The following TGFBR1 variants were observed in gnomAD, a reference collection of about 807,000 sequenced individuals.
TGFBR1 encodes the protein transforming growth factor beta receptor 1.
TGFBR1 carries 20 observed loss-of-function variants against 55.1 expected under a neutral mutation model. That is an observed-to-expected ratio of 0.36 (90% CI 0.26 to 0.53). The LOEUF (loss-of-function observed/expected upper bound fraction) is 0.53, where lower values mean the gene tolerates loss of function less well. Among genes scored for constraint, TGFBR1 ranks in the 20% least tolerant of loss-of-function variants. TGFBR1 has a pLI of 0.91. For synonymous variants in TGFBR1, 220 were observed against 214.8 expected (o/e 1.02, Z -0.21); for missense variants, 385 against 617.6 (o/e 0.62, Z 3.99).
rs565591925 is a variant in TGFBR1 at position 99,143,091 on chromosome 9, G to A, written c.973+388G>A. ...AAAACAAAAACAAAAACAGTAGGTG[G>A]CCTAACTGGAGATATTTAAAACAAA... is the stretch of plus-strand genomic sequence containing the variant. On this transcript the variant is annotated intron_variant, in intron 5 of 8. Coordinates refer to ENST00000374994, the MANE Select transcript of TGFBR1 (RefSeq NM_004612.4). Among the ~76,000 whole-genome samples the A allele has an allele frequency of 2.0e-5, 3 of 152,214 alleles. No individual in the cohort carries two copies. The East Asian group carries it at 5.8e-4, about 29-fold the overall frequency.
chr9:99,144,649 G>C (rs1249804772), intron 5 of TGFBR1, 83 bp from the exon 6 acceptor site: 2 of 1,549,466 alleles, frequency 1.3e-6, no homozygotes, highest in Non-Finnish European at 1.8e-6. Flanking sequence ...TTTGGGTTGG[G>C]AGAAGAGACT....
intron 5 of TGFBR1, 56 bp from the exon 6 acceptor site, chr9:99,144,676 T>G: frequency 1.2e-6 from 2 of 1,605,304 alleles, no homozygotes; most frequent in Non-Finnish European, 1.7e-6. Context: ...CCTAAAGATG[T>G]GAGTTGTGAT....
At chr9:99,126,507 GAATGACT>G (rs1400087720) in intron 1 of TGFBR1, among the ~76,000 whole-genome samples, 9 of 152,184 alleles carry the variant, frequency 5.9e-5, no homozygotes, top group Admixed American at 1.3e-4. Flanking sequence ...AACATGGGTT[GAATGACT>G]AATCATGAGT....
At chr9:99,105,509 T>C (rs1313780853) in intron 1 of TGFBR1, among the ~76,000 whole-genome samples, 1 of 149,634 alleles carries the variant, frequency 6.7e-6, no homozygotes, top group African/African-American at 2.4e-5. Flanking sequence ...CAGGGGCGTG[T>C]GTCCGGGCGC....
chr9:99,153,883 T>G lies in TGFBR1; in HGVS notation c.*4578T>G, dbSNP rs1590. 0.29 allele frequency: 61,769 copies of G among 212,666 alleles called. 9,573 individuals are homozygous for G. The highest frequency in any genetic ancestry group is 0.52 in the East Asian group (7,432 of 14,410). The allele number at this position is 212,666 out of a possible 1,614,324, so 13.2% of individuals were successfully genotyped here. ...CATGCTTAGGGGTGTGGGTCTTCCATTGGGGCATGATGGACCTGTCTACAG... is the reference window on the plus strand; with the variant it reads ...CATGCTTAGGGGTGTGGGTCTTCCAGTGGGGCATGATGGACCTGTCTACAG... On this transcript the variant is annotated 3_prime_UTR_variant, in exon 9 of 9. Transcript: ENST00000374994.
Position 99,150,385 on chromosome 9 carries a change from AT to A in TGFBR1, c.*1087del. The A allele has an allele frequency of 3.8e-5, 8 of 209,824 alleles. No individual in the cohort carries two copies. Among genetic ancestry groups the A allele is most frequent in the Non-Finnish European group, 7.8e-5 (8 of 102,890 alleles). 13.0% of individuals were successfully genotyped at this position (209,824 alleles called of 1,614,324 possible). Reference sequence around the variant, plus strand: ...AAAGTTATGTGGTATTCTGTAAGCCATTTTTTTCTTTATCTGTTCAAAGACT... The same window carrying A: ...AAAGTTATGTGGTATTCTGTAAGCCATTTTTTCTTTATCTGTTCAAAGACT... On this transcript the variant is annotated 3_prime_UTR_variant, in exon 9 of 9. Transcript: ENST00000374994.
chr9:99,131,815 A>G (rs1827234805), intron 2 of TGFBR1, among the ~76,000 whole-genome samples: 1 of 152,052 alleles, frequency 6.6e-6, no homozygotes, highest in African/African-American at 2.4e-5. Flanking sequence ...TTAAGATACA[A>G]AAATTAGCCA....
Position 99,128,911 on chromosome 9 carries a change from G to C in TGFBR1, c.154G>C (p.Gly52Arg), listed in dbSNP as rs587776865. The change falls in exon 2 of 9, where the codon GGG becomes CGG. Residue 52 changes from glycine to arginine, a missense_variant. Transcript: ENST00000374994. Reference protein sequence around the residue: ...TKDNFTCVTDGLCFVSVTETT... With the variant: ...TKDNFTCVTDRLCFVSVTETT... ...AGACAATTTTACTTGTGTGACAGAT[G>C]GGCTCTGCTTTGTCTCTGTCACAGA... is the stretch of plus-strand genomic sequence containing the variant. 1.2e-6 allele frequency: 2 copies of C among 1,613,852 alleles called. No homozygotes were observed. Among genetic ancestry groups the C allele is most frequent in the Non-Finnish European group, 1.7e-6 (2 of 1,179,904 alleles).
In TGFBR1 at chr9:99,149,519, C is replaced by G; in HGVS notation, c.*214C>G. On this transcript the variant is annotated 3_prime_UTR_variant, in exon 9 of 9. Coordinates refer to ENST00000374994, the MANE Select transcript of TGFBR1 (RefSeq NM_004612.4). ...TTCTGTGCACTATGAACGCTTCTTTCCCAGGACAGAAAATGTGTAGTCTAC... is the reference window on the plus strand; with the variant it reads ...TTCTGTGCACTATGAACGCTTCTTTGCCAGGACAGAAAATGTGTAGTCTAC... 1.8e-6 allele frequency: 1 copy of G among 551,718 alleles called. No homozygotes were observed. The highest frequency in any genetic ancestry group is 3.2e-6 in the Non-Finnish European group (1 of 312,520). The allele number at this position is 551,718 out of a possible 1,614,324, so 34.2% of individuals were successfully genotyped here.
chr9:99,134,830 A>ACATATATATATATATATATG lies in TGFBR1; in HGVS notation c.574+2091_574+2092insCATATATATATATATATATG, dbSNP rs1197720573. 1.8e-5 allele frequency among the ~76,000 whole-genome samples: 2 copies of ACATATATATATATATATATG among 112,508 alleles called. 1 individual carries two copies. The highest frequency in any genetic ancestry group is 6.4e-5 in the African/African-American group (2 of 31,390). 73.8% of individuals were successfully genotyped at this position (112,508 alleles called of 152,430 possible). ...TATATATATATATATATATATATAT[A>ACATATATATATATATATATG]TATATATATATATATATATATATTT... On this transcript the variant is annotated intron_variant, in intron 3 of 8. Transcript: ENST00000374994.
intron 6 of TGFBR1, among the ~76,000 whole-genome samples, 188 bp downstream of exon 6, chr9:99,145,076 G>C (rs1378083168): frequency 3.3e-5 from 5 of 152,178 alleles, no homozygotes; most frequent in African/African-American, 1.2e-4. Flanking sequence ...GATGCCTGCT[G>C]ATGAAAGGTT....
intron 1 of TGFBR1, among the ~76,000 whole-genome samples, chr9:99,119,726 A>C (rs1321880963): frequency 6.6e-6 from 1 of 152,220 alleles, no homozygotes; most frequent in Non-Finnish European, 1.5e-5. Flanking sequence ...GGAACTGAAA[A>C]TATACTTTCT....
At chr9:99,114,340 C>T (rs1325332391) in intron 1 of TGFBR1, among the ~76,000 whole-genome samples, 1 of 152,142 alleles carries the variant, frequency 6.6e-6, no homozygotes, top group Non-Finnish European at 1.5e-5. Flanking sequence ...TTTCTGGTAA[C>T]CAAGGCAAGT....
chr9:99,141,749 G>A (rs575365220), intron 4 of TGFBR1, among the ~76,000 whole-genome samples: 3 of 152,260 alleles, frequency 2.0e-5, no homozygotes, highest in African/African-American at 4.8e-5. Flanking sequence ...TTAGATTGTC[G>A]TGGACCAGTC....
intron 3 of TGFBR1, among the ~76,000 whole-genome samples, chr9:99,136,650 A>AGGAGG (rs1404834335): frequency 6.6e-6 from 1 of 152,178 alleles, no homozygotes; most frequent in Non-Finnish European, 1.5e-5. Flanking sequence ...ACTACTTTAC[A>AGGAGG]GGAGGTGGGG....
intron 6 of TGFBR1, 37 bp from the exon 7 acceptor site, chr9:99,146,448 G>C: frequency 6.2e-7 from 1 of 1,613,364 alleles, no homozygotes; most frequent in Non-Finnish European, 8.5e-7. Flanking sequence ...GCAGTAAGGG[G>C]ATGATTTTCA....
At chr9:99,142,490 C>G (rs768955239) in intron 4 of TGFBR1, 46 bp from the exon 5 acceptor site, 1 of 1,608,062 alleles carries the variant, frequency 6.2e-7, no homozygotes, top group Admixed American at 1.7e-5. Context: ...ACAAATAAAT[C>G]ATAAATGGTC....
At chr9:99,125,903 G>T (rs561799326) in intron 1 of TGFBR1, among the ~76,000 whole-genome samples, 1 of 152,228 alleles carries the variant, frequency 6.6e-6, no homozygotes, top group South Asian at 2.1e-4. Flanking sequence ...AGGATTCAGA[G>T]ATGTGAAAAA....
chr9:99,117,250 G>T (rs1012198510), intron 1 of TGFBR1, among the ~76,000 whole-genome samples: 2 of 111,088 alleles, frequency 1.8e-5, no homozygotes, highest in Non-Finnish European at 3.6e-5. Context: ...ACCACGCCTG[G>T]CTATTTTTTT....
Sources: allele counts gnomAD v4.1 joint callset (sites outside exome capture counted in the v4.1 genomes callset), GRCh38; gene constraint gnomAD v4.1.1; transcripts MANE v1.5; gene names NCBI Gene and HGNC (gene_info 2026-07-23, HGNC 2026-07-21).